The following CTNND2 variants were observed in gnomAD, a reference collection of about 807,000 sequenced individuals.
The protein encoded by CTNND2 is catenin delta 2, also known as catenin delta-2.
In CTNND2, 22 loss-of-function variants were observed where a neutral mutation model predicts 144.4. That is an observed-to-expected ratio of 0.15 (90% CI 0.11 to 0.22). CTNND2 has a LOEUF of 0.22. Among genes scored for constraint, CTNND2 ranks in the 10% least tolerant of loss-of-function variants. The pLI, the probability that CTNND2 is intolerant of heterozygous loss-of-function variation, is 1.00. For synonymous variants in CTNND2, 751 were observed against 695.6 expected, an observed-to-expected ratio of 1.08 and a Z score of -1.25; for missense variants, 1,353 against 1,618.8, an observed-to-expected ratio of 0.84 and a Z score of 2.82.
chr5:11,396,512 T>C (rs1029584453), intron 6 of CTNND2, among the ~76,000 whole-genome samples: 1 of 152,176 alleles, frequency 6.6e-6, no homozygotes, highest in African/African-American at 2.4e-5. Flanking sequence ...AATTTCAAAA[T>C]CAGACTTCAC....
Position 11,397,110 on chromosome 5 carries a change from A to G in CTNND2, c.533T>C (p.Leu178Pro), listed in dbSNP as rs767450811. ...TGAAGGGGTGGTTTCCCCCAGGGCCAGGGTCTGGTTGCTATGGTAGCTGGC... is the reference window on the plus strand; with the variant it reads ...TGAAGGGGTGGTTTCCCCCAGGGCCGGGGTCTGGTTGCTATGGTAGCTGGC... ...YPASYHSNQT[L>P]ALGETTPSQL... Residue 178 changes from leucine to proline, a missense_variant, in exon 6 of 22, where the codon CTG (leucine) becomes CCG (proline). By Grantham distance (98) the Leu-to-Pro change is moderately conservative. Coordinates refer to ENST00000304623, the MANE Select transcript of CTNND2 (RefSeq NM_001332.4). 1 of 1,614,196 alleles carries G rather than the reference A, an allele frequency of 6.2e-7. No homozygotes were observed.
intron 2 of CTNND2, among the ~76,000 whole-genome samples, chr5:11,566,112 C>A (rs999539822): frequency 2.6e-5 from 4 of 152,108 alleles, no homozygotes; most frequent in Non-Finnish European, 5.9e-5. Flanking sequence ...TGCATGAGGT[C>A]TTTAAAAAGT....
At chr5:11,334,612 C>T (rs113437510) in intron 9 of CTNND2, among the ~76,000 whole-genome samples, 9 of 152,338 alleles carry the variant, frequency 5.9e-5, no homozygotes, top group African/African-American at 1.7e-4. Context: ...ATGTAACTAA[C>T]TTGTGTCTGA....
intron 3 of CTNND2, among the ~76,000 whole-genome samples, chr5:11,514,908 T>C (rs923833006): frequency 6.6e-6 from 1 of 152,142 alleles, no homozygotes; most frequent in Non-Finnish European, 1.5e-5. Context: ...GTTCAAGCAA[T>C]TCTGTCTCAG....
intron 3 of CTNND2, among the ~76,000 whole-genome samples, chr5:11,540,579 C>T (rs550173224): frequency 6.6e-5 from 10 of 152,236 alleles, no homozygotes; most frequent in East Asian, 3.9e-4. Context: ...TGCAGTGGCA[C>T]GGTCTTGGTT....
chr5:11,894,685 A>G (rs1737257294), intron 1 of CTNND2, among the ~76,000 whole-genome samples: 1 of 152,200 alleles, frequency 6.6e-6, no homozygotes, highest in Non-Finnish European at 1.5e-5. Flanking sequence ...CATTCAACAA[A>G]GCCCTGTGAG....
At chr5:10,978,297 G>A (rs1048631594) in intron 21 of CTNND2, among the ~76,000 whole-genome samples, 2 of 152,134 alleles carry the variant, frequency 1.3e-5, no homozygotes, top group Admixed American at 6.5e-5. Context: ...GTCCTCTCTA[G>A]GACTCCCAAC....
intron 9 of CTNND2, among the ~76,000 whole-genome samples, chr5:11,336,685 C>A (rs1753756134): frequency 6.6e-6 from 1 of 152,098 alleles, no homozygotes; most frequent in Non-Finnish European, 1.5e-5. Context: ...CACATGTGTA[C>A]ACATACTACA....
intron 3 of CTNND2, among the ~76,000 whole-genome samples, chr5:11,508,169 A>G (rs1771261439): frequency 6.6e-6 from 1 of 152,204 alleles, no homozygotes. Context: ...CAATTCAGCT[A>G]CTGTAAACAG....
intron 3 of CTNND2, among the ~76,000 whole-genome samples, chr5:11,426,340 G>A (rs1762770611): frequency 6.6e-6 from 1 of 152,198 alleles, no homozygotes; most frequent in South Asian, 2.1e-4. Flanking sequence ...AACATTATGA[G>A]GGCTGGCTTC....
At chr5:11,871,911 T>C (rs992541114) in intron 1 of CTNND2, among the ~76,000 whole-genome samples, 4 of 152,164 alleles carry the variant, frequency 2.6e-5, no homozygotes, top group South Asian at 2.1e-4. Context: ...ATCTATTCAT[T>C]CTTTTTTATT....
intron 3 of CTNND2, among the ~76,000 whole-genome samples, chr5:11,550,867 C>T (rs1057451557): frequency 2.0e-5 from 3 of 152,160 alleles, no homozygotes; most frequent in Non-Finnish European, 4.4e-5. Flanking sequence ...GATTAGCCTA[C>T]CAAATGTTTT....
intron 9 of CTNND2, among the ~76,000 whole-genome samples, chr5:11,303,940 T>C (rs1271780228): frequency 1.3e-5 from 2 of 152,216 alleles, no homozygotes; most frequent in African/African-American, 4.8e-5. Context: ...TGATAGTGAA[T>C]AAGTCTCAGG....
At chr5:11,838,446 G>A (rs1794291604) in intron 1 of CTNND2, among the ~76,000 whole-genome samples, 1 of 152,162 alleles carries the variant, frequency 6.6e-6, no homozygotes, top group Non-Finnish European at 1.5e-5. Flanking sequence ...CAGAGGTTCA[G>A]GCTCTCTCCT....
At chr5:11,265,044 C>A (rs200513303) in intron 9 of CTNND2, among the ~76,000 whole-genome samples, 10 of 151,722 alleles carry the variant, frequency 6.6e-5, no homozygotes, top group Admixed American at 5.9e-4. Context: ...TTTATTAAAT[C>A]AAAAAAACTG....
At chr5:11,280,489 C>G (rs1443312581) in intron 9 of CTNND2, among the ~76,000 whole-genome samples, 1 of 152,156 alleles carries the variant, frequency 6.6e-6, no homozygotes, top group African/African-American at 2.4e-5. Flanking sequence ...CTGCTGTGCC[C>G]TCACATGATG....
chr5:11,749,111 G>A (rs373110834), intron 1 of CTNND2, among the ~76,000 whole-genome samples: 1 of 151,992 alleles, frequency 6.6e-6, no homozygotes, highest in Admixed American at 6.6e-5. Flanking sequence ...GGCCATATGA[G>A]TAAGACATTT....
intron 1 of CTNND2, among the ~76,000 whole-genome samples, chr5:11,780,032 C>T (rs4235612): frequency 0.98 from 148,969 of 152,294 alleles, 72,938 homozygotes; most frequent in East Asian, 1. Flanking sequence ...CCCTGTTGAG[C>T]GTGATGGCCC....
intron 16 of CTNND2, among the ~76,000 whole-genome samples, chr5:11,046,856 C>A (rs536177333): frequency 6.6e-6 from 1 of 151,896 alleles, no homozygotes; most frequent in South Asian, 2.1e-4. Flanking sequence ...AAACAAACAA[C>A]AACAAAAAAA....
Sources: gnomAD v4.1 joint callset for allele counts (sites outside exome capture counted in the v4.1 genomes callset) on GRCh38, gnomAD v4.1.1 for gene constraint, MANE v1.5 for transcripts, NCBI Gene and HGNC (gene_info 2026-07-23, HGNC 2026-07-21) for gene names.